FNIP1: variants seen among roughly 807,000 people sequenced by gnomAD.
FNIP1 encodes folliculin interacting protein 1.
A neutral mutation model predicts 124.5 loss-of-function variants in FNIP1; 40 were observed. The ratio of observed to expected loss-of-function variants is 0.32; its 90% confidence interval spans 0.25 to 0.42. The LOEUF is 0.42. Among genes scored for constraint, FNIP1 ranks in the 10% least tolerant of loss-of-function variants. FNIP1 has a pLI of 1.00. For synonymous variants in FNIP1, 472 were observed against 470.6 expected (o/e 1.00, Z -0.04); for missense variants, 1,176 against 1,403.7 (o/e 0.84, Z 2.59).
chr5:131,710,862 C>A (rs1056011718), intron 6 of FNIP1, among the ~76,000 whole-genome samples: 1 of 152,088 alleles, frequency 6.6e-6, no homozygotes, highest in East Asian at 1.9e-4. Context: ...TTATATGAAA[C>A]AACAACTTCA....
Position 131,672,492 on chromosome 5 carries a change from G to T in FNIP1, c.1952C>A (p.Ser651Tyr), listed in dbSNP as rs1245751918. ...ATTTTCTTCTTGGCAGTCAGAAGGA[G>T]AAATCATCTGGCACTCATCTGAAAT... ...LGISDECQMI[S>Y]PSDCQEENAV... The change falls in exon 14 of 18, where the codon TCT (serine) becomes TAT (tyrosine). Residue 651 changes from serine (S) to tyrosine (Y), a missense_variant. By Grantham distance (144) the Ser-to-Tyr change is moderately radical. Coordinates refer to ENST00000510461, the MANE Select transcript of FNIP1 (RefSeq NM_133372.3). The T allele has an allele frequency of 6.2e-7, 1 of 1,613,606 alleles. No individual in the cohort carries two copies. The highest frequency in any genetic ancestry group is 8.5e-7 in the Non-Finnish European group (1 of 1,180,038).
chr5:131,688,662 T>C (rs549809905), intron 11 of FNIP1, among the ~76,000 whole-genome samples: 69 of 136,282 alleles, frequency 5.1e-4, no homozygotes, highest in African/African-American at 1.8e-3. Flanking sequence ...AACAGCGAGA[T>C]GGAAAGTCAT....
chr5:131,680,486 T>C lies in FNIP1; in HGVS notation c.1203-1311A>G, dbSNP rs138681899. On this transcript the variant is annotated intron_variant, in intron 11 of 17. Coordinates refer to ENST00000510461, the MANE Select transcript of FNIP1 (RefSeq NM_133372.3). ...TACAAACTAGGCATATATGAAAATG[T>C]TTGTTTTTAAAGCTTATTACAGGTG... Among the ~76,000 whole-genome samples, 480 of 152,346 alleles carry C rather than the reference T, an allele frequency of 3.2e-3. 3 individuals are homozygous for C. Among genetic ancestry groups the C allele is most frequent in the African/African-American group, 0.011 (457 of 41,582 alleles).
rs1438922869 is a variant in FNIP1, at chr5:131,679,346, GA to G, written c.1203-172del. ...CCTTGTCAACAACACAGTACCATGGGAAATGTTCTCAAAATATGTTGGTTCT... is the reference window on the plus strand; with the variant it reads ...CCTTGTCAACAACACAGTACCATGGGAATGTTCTCAAAATATGTTGGTTCT... On this transcript the variant is annotated intron_variant, in intron 11 of 17. Coordinates refer to ENST00000510461, the MANE Select transcript of FNIP1 (RefSeq NM_133372.3). Among the ~76,000 whole-genome samples, 7 of 152,274 alleles carry G rather than the reference GA, an allele frequency of 4.6e-5. No individual in the cohort carries two copies. The East Asian group carries it at 1.2e-3, about 25-fold the overall frequency.
chr5:131,666,151 T>C (rs572667645), intron 15 of FNIP1, among the ~76,000 whole-genome samples: 72 of 152,312 alleles, frequency 4.7e-4, no homozygotes, highest in African/African-American at 1.7e-3. Context: ...CCTCCCAAAG[T>C]GCTGAGATTA....
intron 8 of FNIP1, among the ~76,000 whole-genome samples, 168 bp from the exon 9 acceptor site, chr5:131,706,714 A>T (rs1769125891): frequency 6.6e-6 from 1 of 152,242 alleles, no homozygotes; most frequent in South Asian, 2.1e-4. Context: ...GTCTCAGAGG[A>T]GAAAAATCAT....
At chr5:131,760,630 A>G (rs1225123865) in intron 1 of FNIP1, among the ~76,000 whole-genome samples, 1 of 152,066 alleles carries the variant, frequency 6.6e-6, no homozygotes. Flanking sequence ...TACAGTGCCT[A>G]TTATGTGTCT....
Position 131,672,001 on chromosome 5 carries a change from A to G in FNIP1, c.2443T>C (p.Ser815Pro). 6.2e-7 allele frequency: 1 copy of G among 1,614,178 alleles called. No individual in the cohort carries two copies. Among genetic ancestry groups the G allele is most frequent in the Non-Finnish European group, 8.5e-7 (1 of 1,180,030 alleles). Residue 815 changes from serine to proline, a missense_variant, in exon 14 of 18, where the codon TCT (serine) becomes CCT (proline). By Grantham distance (74) the Ser-to-Pro change is moderately conservative (BLOSUM62 -1). Around this residue, in one of 2 missense-constraint regions of FNIP1, gnomAD observed 1,109 missense variants for 1,288.5 expected, o/e 0.86. Coordinates refer to ENST00000510461, the MANE Select transcript of FNIP1 (RefSeq NM_133372.3). Reference sequence around the variant, plus strand: ...CAGGGAAGTTCACAGGGCTCTTCAGAAACCATGTTCTGTGTATCAGACTCT... The same window carrying G: ...CAGGGAAGTTCACAGGGCTCTTCAGGAACCATGTTCTGTGTATCAGACTCT... Reference protein sequence around the residue: ...SGESDTQNMVSEEPCELPCWN... With the variant: ...SGESDTQNMVPEEPCELPCWN...
chr5:131,719,006 A>G lies in FNIP1; in HGVS notation c.510T>C (p.Ser170=). 8.7e-6 allele frequency: 14 copies of G among 1,613,454 alleles called. No homozygotes were observed. The highest frequency in any genetic ancestry group is 1.0e-5 in the Non-Finnish European group (12 of 1,179,480). The part of the protein sequence containing the change: ...SKVFTARTGS[S]ICGSLNTLQD... ...CTTACGTATTGAGACTCCCACAAAT[A>G]CTGCTGCCAGTCCGAGCAGTAAACA... Residue 170 remains serine, a synonymous_variant, in exon 5 of 18, where the codon AGT becomes AGC. Transcript: ENST00000510461.
At chr5:131,681,116 G>T (rs927401902) in intron 11 of FNIP1, among the ~76,000 whole-genome samples, 1 of 152,168 alleles carries the variant, frequency 6.6e-6, no homozygotes, top group Admixed American at 6.5e-5. Flanking sequence ...GGAGAGAGCA[G>T]ATATAGCAGT....
intron 2 of FNIP1, among the ~76,000 whole-genome samples, chr5:131,740,887 G>A (rs1770490736): frequency 6.6e-6 from 1 of 152,148 alleles, no homozygotes; most frequent in South Asian, 2.1e-4. Flanking sequence ...ATGGCGACAA[G>A]AGTGACCTCT....
chr5:131,746,978 T>C (rs1181550842), intron 1 of FNIP1, among the ~76,000 whole-genome samples: 7 of 152,194 alleles, frequency 4.6e-5, no homozygotes, highest in African/African-American at 7.2e-5. Flanking sequence ...ATCTGATTGA[T>C]GTGAGATGGT....
intron 3 of FNIP1, among the ~76,000 whole-genome samples, chr5:131,720,905 T>C (rs926923333): frequency 9.9e-5 from 15 of 152,190 alleles, no homozygotes; most frequent in African/African-American, 3.6e-4. Flanking sequence ...ATTGTACTTA[T>C]GGAAAACAAC....
intron 1 of FNIP1, among the ~76,000 whole-genome samples, chr5:131,760,171 C>T (rs983011778): frequency 1.2e-4 from 18 of 152,036 alleles, no homozygotes; most frequent in African/African-American, 3.6e-4. Flanking sequence ...ATACCCCAGA[C>T]CTAAGCATCA....
In FNIP1 at chr5:131,670,517, C is replaced by T; in HGVS notation, c.3054G>A (p.Gly1018=). ...YVPDFVLQGI[G]SDERFRQCLM... The stretch of plus-strand genomic sequence containing the variant: ...GACACTGACGGAACCTCTCATCACT[C>T]CCAATTCCTTGAAGAACAAAGTCAG... Residue 1018 remains glycine, a synonymous_variant, in exon 15 of 18, where the codon GGG becomes GGA. Coordinates refer to ENST00000510461, the MANE Select transcript of FNIP1 (RefSeq NM_133372.3). The T allele has an allele frequency of 1.2e-6, 2 of 1,613,634 alleles. No individual in the cohort carries two copies. Among genetic ancestry groups the T allele is most frequent in the Non-Finnish European group, 8.5e-7 (1 of 1,179,848 alleles).
chr5:131,763,288 T>TACACACACACACAC (rs34544569), intron 1 of FNIP1, among the ~76,000 whole-genome samples: 140 of 148,462 alleles, frequency 9.4e-4, no homozygotes, highest in African/African-American at 3.1e-3. Flanking sequence ...CAAATGCAAA[T>TACACACACACACAC]ACACACACAC....
chr5:131,719,233 G>T, intron 4 of FNIP1, 84 bp downstream of exon 4: 2 of 1,269,240 alleles, frequency 1.6e-6, no homozygotes, highest in Non-Finnish European at 2.2e-6. Context: ...CTCAATCTGA[G>T]TGAAGATCAT....
Position 131,644,683 on chromosome 5 carries a change from T to C in FNIP1, c.*2A>G, listed in dbSNP as rs765093646. ...ACCAATTTCTAACAATTTTTAGGTA[T>C]ATTAAAGGAGTATTTGTGCAACATA... On this transcript the variant is annotated 3_prime_UTR_variant, in exon 18 of 18. Coordinates refer to ENST00000510461, the MANE Select transcript of FNIP1 (RefSeq NM_133372.3). The C allele has an allele frequency of 3.1e-6, 5 of 1,613,086 alleles. No individual in the cohort carries two copies. In the South Asian group the frequency reaches 3.3e-5, roughly 11 times the overall value.
At chr5:131,701,961 A>G (rs984452622) in intron 10 of FNIP1, among the ~76,000 whole-genome samples, 5 of 152,116 alleles carry the variant, frequency 3.3e-5, no homozygotes, top group African/African-American at 7.2e-5. Context: ...CTGTTGCAAA[A>G]AACTCTGGTG....
Sources: allele counts gnomAD v4.1 joint callset (sites outside exome capture counted in the v4.1 genomes callset), GRCh38; gene constraint gnomAD v4.1.1; regional missense constraint gnomAD v4.1.1; transcripts MANE v1.5; gene names NCBI Gene and HGNC (gene_info 2026-07-23, HGNC 2026-07-21).